The following TENM1 variants were observed in gnomAD, a reference collection of about 807,000 sequenced individuals.
The protein encoded by TENM1 is teneurin transmembrane protein 1.
TENM1 carries 35 observed loss-of-function variants against 174.8 expected under a neutral mutation model. The observed-to-expected ratio is 0.20, with a 90% CI of 0.15 to 0.27. The LOEUF (loss-of-function observed/expected upper bound fraction) is 0.27. TENM1 is among the 10% of genes least tolerant of loss of function. The pLI, the probability that TENM1 is intolerant of heterozygous loss-of-function variation, is 1.00. For missense variants in TENM1, 1,633 were observed against 2,130.1 expected, an observed-to-expected ratio of 0.77 and a Z score of 4.59; for synonymous variants, 781 against 798.7, an observed-to-expected ratio of 0.98 and a Z score of 0.37.
the TENM1 span, among the ~76,000 whole-genome samples, chrX:125,192,205 C>A: frequency 9.0e-5 from 10 of 110,567 alleles, no homozygotes; most frequent in South Asian, 3.8e-3. Flanking sequence ...AGGCACAAGG[C>A]CCTGAGAAAA....
intron 15 of TENM1, among the ~76,000 whole-genome samples, chrX:124,535,277 AC>A (rs2048182499): frequency 9.0e-6 from 1 of 111,615 alleles, no homozygotes; most frequent in African/African-American, 3.3e-5. Context: ...GCCATAACAT[AC>A]TCAGCCAATT....
intron 4 of TENM1, among the ~76,000 whole-genome samples, chrX:124,713,188 G>A (rs756109094): frequency 1.9e-4 from 21 of 111,469 alleles, no homozygotes; most frequent in Non-Finnish European, 2.8e-4. Flanking sequence ...AATTTTCCTA[G>A]GCTTAAGTCT....
At chrX:125,132,440 A>G in the TENM1 span, among the ~76,000 whole-genome samples, 1 of 111,008 alleles carries the variant, frequency 9.0e-6, no homozygotes, top group Non-Finnish European at 1.9e-5. Context: ...ACTTATGCAC[A>G]TTGACTTTCT....
intron 4 of TENM1, among the ~76,000 whole-genome samples, chrX:124,708,154 T>C (rs2052956145): frequency 8.9e-6 from 1 of 112,513 alleles, no homozygotes; most frequent in South Asian, 3.7e-4. Context: ...ACCTTGTACA[T>C]GTAATGTGTG....
chrX:125,202,030 G>C, the TENM1 span, among the ~76,000 whole-genome samples: 1 of 109,753 alleles, frequency 9.1e-6, no homozygotes, highest in Non-Finnish European at 1.9e-5. Flanking sequence ...TTAAAGGTGT[G>C]GATCGCCTTT....
chrX:124,915,690 C>T (rs762537919), intron 1 of TENM1, among the ~76,000 whole-genome samples: 8 of 112,118 alleles, frequency 7.1e-5, no homozygotes, highest in Non-Finnish European at 1.3e-4. Flanking sequence ...ATAGTAGAAA[C>T]ACACCATAAA....
At chrX:124,402,380 G>T (rs1242832262) in intron 27 of TENM1, among the ~76,000 whole-genome samples, 1 of 111,957 alleles carries the variant, frequency 8.9e-6, no homozygotes, top group Admixed American at 9.4e-5. Context: ...AGAGGGCCTT[G>T]AATTTGTTGC....
intron 3 of TENM1, among the ~76,000 whole-genome samples, chrX:124,807,111 AT>A (rs2055620547): frequency 9.1e-6 from 1 of 110,469 alleles, no homozygotes; most frequent in Non-Finnish European, 1.9e-5. Context: ...CTTTTAAACA[AT>A]CAGATCTTAC....
chrX:124,420,853 G>A (rs928180720), intron 24 of TENM1, 32 bp from the exon 28 acceptor site: 1 of 1,163,598 alleles, frequency 8.6e-7, no homozygotes, highest in Non-Finnish European at 1.2e-6. Flanking sequence ...TTAACAATTG[G>A]CATCATAAGC....
the TENM1 span, among the ~76,000 whole-genome samples, chrX:125,051,424 C>T: frequency 6.8e-3 from 749 of 110,132 alleles, 5 homozygotes; most frequent in African/African-American, 0.023. Flanking sequence ...GGAGGCATCA[C>T]GCTACCTGAC....
chrX:124,880,282 T>C (rs182052225), intron 3 of TENM1, among the ~76,000 whole-genome samples: 75 of 111,687 alleles, frequency 6.7e-4, no homozygotes, highest in African/African-American at 2.4e-3. Context: ...ACTTATTTTT[T>C]TGGAGCTATT....
intron 1 of TENM1, among the ~76,000 whole-genome samples, chrX:124,915,417 C>T (rs766857034): frequency 2.7e-5 from 3 of 110,182 alleles, no homozygotes; most frequent in East Asian, 2.8e-4. Context: ...CCCAGCTACC[C>T]GGGAGGCTGA....
intron 6 of TENM1, among the ~76,000 whole-genome samples, chrX:124,664,532 GA>G (rs779501054): frequency 0.1 from 2,984 of 29,124 alleles, 120 homozygotes; most frequent in African/African-American, 0.25. Flanking sequence ...TAAAGCAAAA[GA>G]AAAAAAAAAA....
chrX:124,494,148 T>C (rs2047132107), intron 20 of TENM1, among the ~76,000 whole-genome samples: 2 of 111,611 alleles, frequency 1.8e-5, no homozygotes, highest in African/African-American at 6.5e-5. Context: ...TGAAAGTAAG[T>C]GTTAAATGAA....
At chrX:124,459,567 G>A (rs1349913469) in intron 22 of TENM1, among the ~76,000 whole-genome samples, 6 of 111,177 alleles carry the variant, frequency 5.4e-5, no homozygotes, top group Admixed American at 9.6e-5. Flanking sequence ...GGACCCCTTC[G>A]TTATACCATA....
chrX:125,069,751 A>G, the TENM1 span, among the ~76,000 whole-genome samples: 11 of 110,912 alleles, frequency 9.9e-5, no homozygotes, highest in Non-Finnish European at 1.9e-4. Flanking sequence ...CATGTATCCC[A>G]GAACTTAAAA....
chrX:124,934,155 T>C (rs1011344784), intron 1 of TENM1, among the ~76,000 whole-genome samples: 6 of 112,114 alleles, frequency 5.4e-5, no homozygotes, highest in Non-Finnish European at 1.1e-4. Context: ...ATTGGAGATA[T>C]ATCTGTCTAC....
At chrX:125,154,801 T>C in the TENM1 span, among the ~76,000 whole-genome samples, 1 of 109,141 alleles carries the variant, frequency 9.2e-6, no homozygotes, top group Admixed American at 9.8e-5. Flanking sequence ...TCGCGGTGAG[T>C]GTTACAGCTC....
chrX:125,204,305 C>T, the TENM1 span: 1 of 112,091 alleles, frequency 8.9e-6, no homozygotes, highest in African/African-American at 3.2e-5. Flanking sequence ...CCGCCGCCGC[C>T]GCGCTCTAAG....
Sources: gnomAD v4.1 joint callset for allele counts (sites outside exome capture counted in the v4.1 genomes callset) on GRCh38, gnomAD v4.1.1 for gene constraint, MANE v1.5 for transcripts, NCBI Gene and HGNC (gene_info 2026-07-23, HGNC 2026-07-21) for gene names.